Variants in SPINDOC observed in about 807,000 individuals in gnomAD.
SPINDOC encodes the protein spindlin interactor and repressor of chromatin binding, also known as spindlin interactor and repressor of chromatin-binding protein.
SPINDOC carries 13 observed loss-of-function variants against 30.7 expected under a neutral mutation model. The ratio of observed to expected loss-of-function variants is 0.42; its 90% CI spans 0.28 to 0.67. SPINDOC has a LOEUF of 0.67. Among genes scored for constraint, SPINDOC ranks in the 30% least tolerant of loss-of-function variants. The pLI is 0.22. For synonymous variants in SPINDOC, 228 were observed against 211.4 expected (o/e 1.08, Z -0.68); for missense variants, 438 against 518.0 (o/e 0.85, Z 1.50).
chr11:63,822,674 G>C, intron 5 of SPINDOC: 2 of 1,289,108 alleles, frequency 1.6e-6, no homozygotes, highest in Non-Finnish European at 2.0e-6. Flanking sequence ...CTGAGACCGA[G>C]TGTGCTGCTT....
intron 1 of SPINDOC, among the ~76,000 whole-genome samples, chr11:63,816,559 A>G (rs987240599): frequency 4.6e-5 from 7 of 151,938 alleles, no homozygotes; most frequent in African/African-American, 1.7e-4. Flanking sequence ...CGAGGCTCCT[A>G]TTTCTCATAC....
In SPINDOC at chr11:63,827,673, G is replaced by T; in HGVS notation, c.*534G>T. The T allele has an allele frequency of 6.1e-6, 1 of 163,832 alleles. No homozygotes were observed. Among genetic ancestry groups the T allele is most frequent in the South Asian group, 1.6e-4 (1 of 6,176 alleles). 10.1% of individuals were successfully genotyped at this position (163,832 alleles called of 1,614,324 possible). On this transcript the variant is annotated 3_prime_UTR_variant, in exon 6 of 6. Transcript: ENST00000294244. The stretch of plus-strand genomic sequence containing the variant: ...TCTCATTTACATCTGTTTTCCTGTT[G>T]TATATATCACCTTTGTTGACAATAA...
At position 63,826,972 on chromosome 11, in the gene SPINDOC, C is replaced by CGCGT; in HGVS notation, c.983_986dup (p.Met330AlafsTer28). On this transcript the variant is annotated frameshift_variant, in exon 6 of 6. Coordinates refer to ENST00000294244, the MANE Select transcript of SPINDOC (RefSeq NM_138471.3). LOFTEE classifies it high-confidence loss of function. ...CGGGACACTGGATCTCCAGGTTATC[C>CGCGT]GCGTGCGGATGGAGGAGCCCCCAGC... The CGCGT allele has an allele frequency of 6.2e-7, 1 of 1,608,424 alleles. No individual in the cohort carries two copies. Among genetic ancestry groups the CGCGT allele is most frequent in the Non-Finnish European group, 8.5e-7 (1 of 1,175,032 alleles).
intron 5 of SPINDOC, among the ~76,000 whole-genome samples, chr11:63,825,939 A>G (rs2015645157): frequency 2.0e-5 from 3 of 151,018 alleles, no homozygotes; most frequent in African/African-American, 7.4e-5. Context: ...TTTCAATGTA[A>G]TGTAACTTTT....
chr11:63,818,406 G>C lies in SPINDOC; in HGVS notation c.607+41G>C, dbSNP rs546364979. On this transcript the variant is annotated intron_variant, in intron 3 of 5. Coordinates refer to ENST00000294244, the MANE Select transcript of SPINDOC (RefSeq NM_138471.3). The surrounding 1 kb of genome is among the most constrained non-coding windows in gnomAD (Gnocchi z 5.3). ...AGCCAGTGAGCCCCGGTGGAGGTGG[G>C]GGTTTGGGGACAGGGTGAAATACAG... is the stretch of plus-strand genomic sequence containing the variant. The C allele has an allele frequency of 4.0e-5, 65 of 1,609,932 alleles. No individual in the cohort carries two copies. Among genetic ancestry groups the C allele is most frequent in the Non-Finnish European group, 5.2e-5 (61 of 1,178,070 alleles).
At chr11:63,823,598 TC>T (rs1233937004) in intron 5 of SPINDOC, among the ~76,000 whole-genome samples, 1 of 152,176 alleles carries the variant, frequency 6.6e-6, no homozygotes, top group East Asian at 1.9e-4. Flanking sequence ...CTGGTGTTTT[TC>T]TTTTTTTTAT....
Position 63,813,538 on chromosome 11 carries a change from G to T in SPINDOC, c.-149G>T. On this transcript the variant is annotated 5_prime_UTR_variant, in exon 1 of 6. Coordinates refer to ENST00000294244, the MANE Select transcript of SPINDOC (RefSeq NM_138471.3). Reference sequence around the variant, plus strand: ...CGCGCCGGTCGCAGGCCCGGCCGGCGAGCGGCGGGCGGGCGGCGGGGAGGG... The same window carrying T: ...CGCGCCGGTCGCAGGCCCGGCCGGCTAGCGGCGGGCGGGCGGCGGGGAGGG... The T allele has an allele frequency of 4.9e-6, 3 of 613,638 alleles. No homozygotes were observed. Among genetic ancestry groups the T allele is most frequent in the South Asian group, 7.0e-5 (1 of 14,308 alleles). The allele number at this position is 613,638 out of a possible 1,614,324, so 38.0% of individuals were successfully genotyped here. A position where few individuals can be genotyped will look rare whatever the true frequency, so the allele number is the denominator to read the frequency against.
Position 63,813,681 on chromosome 11 carries a change from C to G in SPINDOC, c.-6C>G, listed in dbSNP as rs1309678933. ...TCCGGCCACTGCTATCGCCCACGGC[C>G]GCACCATGGCCCTAAAGGCCGAGGG... On this transcript the variant is annotated 5_prime_UTR_variant, in exon 1 of 6. Coordinates refer to ENST00000294244, the MANE Select transcript of SPINDOC (RefSeq NM_138471.3). 6.4e-7 allele frequency: 1 copy of G among 1,557,176 alleles called. No individual in the cohort carries two copies. The highest frequency in any genetic ancestry group is 1.4e-5 in the African/African-American group (1 of 72,084).
intron 5 of SPINDOC, among the ~76,000 whole-genome samples, 176 bp downstream of exon 5, chr11:63,819,178 G>A (rs1035585565): frequency 4.6e-5 from 7 of 152,200 alleles, no homozygotes; most frequent in African/African-American, 1.7e-4. Context: ...TGAATGATGA[G>A]GAAGGCTGGC....
At chr11:63,816,967 C>G (rs1303043460) in intron 1 of SPINDOC, among the ~76,000 whole-genome samples, 1 of 151,566 alleles carries the variant, frequency 6.6e-6, no homozygotes, top group East Asian at 1.9e-4. Flanking sequence ...CGGGAGTTCA[C>G]AACCAGCCTG....
intron 1 of SPINDOC, among the ~76,000 whole-genome samples, chr11:63,814,812 T>A (rs1179127263): frequency 6.6e-6 from 1 of 152,218 alleles, no homozygotes; most frequent in Non-Finnish European, 1.5e-5. Flanking sequence ...TAGGTTGTTT[T>A]CCTACTTCTG....
chr11:63,827,154 G>T lies in SPINDOC; in HGVS notation c.*15G>T. On this transcript the variant is annotated 3_prime_UTR_variant, in exon 6 of 6. Transcript: ENST00000294244. Reference sequence around the variant, plus strand: ...ATGGAGTGTAAATTCTTGCTTTCCTGGGGAGGGAGGGAGGGATGAGGCAGC... The same window carrying T: ...ATGGAGTGTAAATTCTTGCTTTCCTTGGGAGGGAGGGAGGGATGAGGCAGC... The T allele has an allele frequency of 6.3e-7, 1 of 1,587,024 alleles. No homozygotes were observed. The highest frequency in any genetic ancestry group is 8.6e-7 in the Non-Finnish European group (1 of 1,157,608).
intron 5 of SPINDOC, chr11:63,822,741 G>T (rs1481443473): frequency 1.6e-6 from 2 of 1,288,976 alleles, no homozygotes; most frequent in Non-Finnish European, 2.0e-6. Context: ...TGCTCTAAAT[G>T]GCTGACCTCT....
Position 63,826,919 on chromosome 11 carries a change from C to A in SPINDOC, c.935-9C>A. 1.4e-6 allele frequency: 2 copies of A among 1,405,298 alleles called. No homozygotes were observed. Among genetic ancestry groups the A allele is most frequent in the Non-Finnish European group, 2.0e-6 (2 of 993,774 alleles). 87.1% of individuals were successfully genotyped at this position (1,405,298 alleles called of 1,614,324 possible). On this transcript the variant is annotated splice_polypyrimidine_tract_variant and intron_variant, in intron 5 of 5. Coordinates refer to ENST00000294244, the MANE Select transcript of SPINDOC (RefSeq NM_138471.3). ...GCTCTGACTGCTCTCTGCTCTCATCCCTGCCCAGCTCCCCCTCCGGGGCTC... is the reference window on the plus strand; with the variant it reads ...GCTCTGACTGCTCTCTGCTCTCATCACTGCCCAGCTCCCCCTCCGGGGCTC...
intron 5 of SPINDOC, among the ~76,000 whole-genome samples, chr11:63,820,908 C>A (rs376703597): frequency 0.029 from 1,496 of 51,532 alleles, 13 homozygotes; most frequent in East Asian, 0.11. Flanking sequence ...AAAAAAAAAA[C>A]AACACACATC....
At position 63,817,875 on chromosome 11, in the gene SPINDOC, G is replaced by A. The variant is rs767343104; in HGVS notation, c.198G>A (p.Glu66=). The change falls in exon 2 of 6, where the codon GAG becomes GAA. Residue 66 remains glutamate, a synonymous_variant. Coordinates refer to ENST00000294244, the MANE Select transcript of SPINDOC (RefSeq NM_138471.3). The part of the protein sequence containing the change: ...PLEAGSDGCE[E]PKQQVSWEQE... The stretch of plus-strand genomic sequence containing the variant: ...AGGCAGGCAGTGATGGCTGTGAGGA[G>A]CCGAAGCAGCAGGTGTCTTGGGAGC... The A allele has an allele frequency of 8.9e-5, 144 of 1,612,070 alleles. No individual in the cohort carries two copies. Among genetic ancestry groups the A allele is most frequent in the Non-Finnish European group, 1.1e-4 (135 of 1,179,254 alleles).
rs897806933 is a variant in SPINDOC at position 63,813,861 on chromosome 11, G to A, written c.127+48G>A. On this transcript the variant is annotated intron_variant, in intron 1 of 5. Transcript: ENST00000294244. ...TTCCGCGTCACGGTGCGGGGCCGGG[G>A]CTGGGGCCGTCCCTCCCCAGTCGGG... is the stretch of plus-strand genomic sequence containing the variant. 4.8e-6 allele frequency: 7 copies of A among 1,454,342 alleles called. No individual in the cohort carries two copies. The Admixed American group carries it at 9.3e-5, about 19-fold the overall frequency. The allele number at this position is 1,454,342 out of a possible 1,614,324, so 90.1% of individuals were successfully genotyped here.
In SPINDOC at chr11:63,813,822, G is replaced by A. The variant is rs763833808; in HGVS notation, c.127+9G>A. ...CGAGCCGATGCTCAGAGGTGAGGATGGAGGGGATTCCACTTCCGCGTCACG... is the reference window on the plus strand; with the variant it reads ...CGAGCCGATGCTCAGAGGTGAGGATAGAGGGGATTCCACTTCCGCGTCACG... On this transcript the variant is annotated intron_variant, in intron 1 of 5. Coordinates refer to ENST00000294244, the MANE Select transcript of SPINDOC (RefSeq NM_138471.3). 4 of 1,533,656 alleles carry A rather than the reference G, an allele frequency of 2.6e-6. No homozygotes were observed. The highest frequency in any genetic ancestry group is 1.2e-5 in the South Asian group (1 of 83,686).
Position 63,818,763 on chromosome 11 carries a change from G to T in SPINDOC, c.734-39G>T. ...GCGCAGGGCGCCTGCAGCTCCTGAG[G>T]CTTTTTCACTCACAGTTCCATCCCG... On this transcript the variant is annotated intron_variant, in intron 4 of 5. Transcript: ENST00000294244. This position sits in a 1 kb window ranked among gnomAD's most constrained non-coding sequence, Gnocchi z 5.3. 1 of 1,612,688 alleles carries T rather than the reference G, an allele frequency of 6.2e-7. No homozygotes were observed. Among genetic ancestry groups the T allele is most frequent in the Non-Finnish European group, 8.5e-7 (1 of 1,179,730 alleles).
Sources: gnomAD v4.1 joint callset for allele counts (sites outside exome capture counted in the v4.1 genomes callset) on GRCh38, gnomAD v4.1.1 for gene constraint, Gnocchi (gnomAD v3.1) non-coding constraint, MANE v1.5 for transcripts, NCBI Gene and HGNC (gene_info 2026-07-23, HGNC 2026-07-21) for gene names.